The following YTHDC2 variants were observed in gnomAD, a reference collection of about 807,000 sequenced individuals.
The protein encoded by YTHDC2 is YTH N6-methyladenosine RNA binding protein C2, also known as 3'-5' RNA helicase YTHDC2.
Under a neutral mutation model 174.9 loss-of-function variants are expected in YTHDC2, and 45 were observed. That is an observed-to-expected ratio of 0.26 (90% CI 0.20 to 0.33). The LOEUF (loss-of-function observed/expected upper bound fraction) is 0.33, where lower values mean the gene tolerates loss of function less well. YTHDC2 is among the 10% of genes least tolerant of loss of function. The probability of loss-of-function intolerance (pLI) is 1.00; values close to 1 mark genes in which losing one functional copy is unlikely to be tolerated. For synonymous variants in YTHDC2, 657 were observed against 574.5 expected (o/e 1.14, Z -2.05); for missense variants, 1,650 against 1,723.7 (o/e 0.96, Z 0.76).
chr5:113,522,322 C>G (rs940222578), intron 2 of YTHDC2, among the ~76,000 whole-genome samples: 1 of 151,868 alleles, frequency 6.6e-6, no homozygotes, highest in African/African-American at 2.4e-5. Flanking sequence ...TAGTAACATC[C>G]TTTTAAATTA....
At chr5:113,589,849 A>G (rs975982253) in intron 26 of YTHDC2, among the ~76,000 whole-genome samples, 1 of 152,088 alleles carries the variant, frequency 6.6e-6, no homozygotes, top group Non-Finnish European at 1.5e-5. Context: ...TTGTCTCCTA[A>G]TTACATCAAC....
Position 113,581,410 on chromosome 5 carries a change from A to G in YTHDC2, c.3355-7A>G, listed in dbSNP as rs1473738349. ...TCATTTGCTTGTATCTATTTGAACTATTACAGGCAGCTAGTTTATTGCTGC... is the reference window on the plus strand; with the variant it reads ...TCATTTGCTTGTATCTATTTGAACTGTTACAGGCAGCTAGTTTATTGCTGC... On this transcript the variant is annotated splice_polypyrimidine_tract_variant and splice_region_variant and intron_variant, in intron 24 of 29. Transcript: ENST00000161863. 18 of 1,592,254 alleles carry G rather than the reference A, an allele frequency of 1.1e-5. No homozygotes were observed. Among genetic ancestry groups the G allele is most frequent in the East Asian group, 2.2e-5 (1 of 44,704 alleles).
chr5:113,575,153 G>A (rs13187776), intron 23 of YTHDC2, among the ~76,000 whole-genome samples: 12,254 of 152,174 alleles, frequency 0.081, 715 homozygotes, highest in Non-Finnish European at 0.11. Context: ...TGTGAGTGCC[G>A]CAGACTGCAG....
intron 3 of YTHDC2, 106 bp downstream of exon 3, chr5:113,525,283 A>T: frequency 1.0e-6 from 1 of 954,940 alleles, no homozygotes; most frequent in Non-Finnish European, 1.5e-6. Context: ...AGATTTCTCA[A>T]TTGGAATAGT....
At chr5:113,574,946 A>G (rs1202076969) in intron 23 of YTHDC2, among the ~76,000 whole-genome samples, 1 of 152,174 alleles carries the variant, frequency 6.6e-6, no homozygotes, top group Non-Finnish European at 1.5e-5. Context: ...GAGGGGTCAT[A>G]TAATCACTCA....
intron 22 of YTHDC2, among the ~76,000 whole-genome samples, 175 bp downstream of exon 22, chr5:113,567,472 G>A (rs33992630): frequency 0.16 from 24,329 of 148,324 alleles, 2,174 homozygotes; most frequent in Non-Finnish European, 0.21. Context: ...AGTTGGAAAA[G>A]GTAACATGTT....
intron 23 of YTHDC2, among the ~76,000 whole-genome samples, chr5:113,568,398 GC>G (rs1171446137): frequency 6.6e-6 from 1 of 152,086 alleles, no homozygotes; most frequent in African/African-American, 2.4e-5. Context: ...GGGTACATGT[GC>G]AAGATGTGCA....
intron 8 of YTHDC2, among the ~76,000 whole-genome samples, chr5:113,540,330 CTT>C (rs796688604): frequency 4.6e-4 from 70 of 152,278 alleles, no homozygotes; most frequent in African/African-American, 1.6e-3. Context: ...TAAAAATACT[CTT>C]AATTCTGGAC....
At chr5:113,534,222 C>T (rs1774891696) in intron 5 of YTHDC2, 83 bp from the exon 6 acceptor site, 10 of 1,010,370 alleles carry the variant, frequency 9.9e-6, no homozygotes, top group East Asian at 4.8e-5. Context: ...AAAATGTGTA[C>T]GAGGCCAGCA....
At position 113,592,153 on chromosome 5, in the gene YTHDC2, A is replaced by G; in HGVS notation, c.4187A>G (p.Lys1396Arg). The G allele has an allele frequency of 6.2e-7, 1 of 1,612,318 alleles. No homozygotes were observed. Among genetic ancestry groups the G allele is most frequent in the Non-Finnish European group, 8.5e-7 (1 of 1,179,134 alleles). ...CTCAATCCATGGAATGACAACAAGA[A>G]AGTGCAGATAAGCAGGGATGGGCAG... is the stretch of plus-strand genomic sequence containing the variant. ...HLLNPWNDNKKVQISRDGQEL... is the reference protein window; with the variant it reads ...HLLNPWNDNKRVQISRDGQEL... Residue 1396 changes from lysine to arginine, a missense_variant, in exon 28 of 30, where the codon AAA becomes AGA. By Grantham distance (26) the Lys-to-Arg change is conservative (BLOSUM62 2). Transcript: ENST00000161863.
At position 113,547,716 on chromosome 5, in the gene YTHDC2, AAAGAACACTGAT is replaced by A. The variant is rs146390514; in HGVS notation, c.1496-824_1496-813del. On this transcript the variant is annotated intron_variant, in intron 10 of 29. Transcript: ENST00000161863. ...ATTTTCTTGTCTCTGCCTCACTTTA[AAAGAACACTGAT>A]GTATATTGATAATGGATACCATGTT... Among the ~76,000 whole-genome samples the A allele has an allele frequency of 6.4e-3, 969 of 152,318 alleles. 5 individuals are homozygous for A. The highest frequency in any genetic ancestry group is 0.022 in the African/African-American group (902 of 41,570).
rs1193662536 is a variant in YTHDC2, at chr5:113,542,517, A to C, written c.1495+14A>C. ...AAAATGTTAGTGGTAAGTTTATTTTAATTTTAAAAAATTACCCTTACAGTT... is the reference window on the plus strand; with the variant it reads ...AAAATGTTAGTGGTAAGTTTATTTTCATTTTAAAAAATTACCCTTACAGTT... On this transcript the variant is annotated intron_variant, in intron 10 of 29. Coordinates refer to ENST00000161863, the MANE Select transcript of YTHDC2 (RefSeq NM_022828.5). 6.3e-7 allele frequency: 1 copy of C among 1,583,722 alleles called. No individual in the cohort carries two copies. Among genetic ancestry groups the C allele is most frequent in the African/African-American group, 1.4e-5 (1 of 73,366 alleles).
At chr5:113,522,700 T>C (rs185693869) in intron 2 of YTHDC2, among the ~76,000 whole-genome samples, 72 of 152,304 alleles carry the variant, frequency 4.7e-4, no homozygotes, top group African/African-American at 1.7e-3. Flanking sequence ...TTAGTTTACG[T>C]AGTATGACAA....
chr5:113,565,480 A>G (rs1777272759), intron 20 of YTHDC2, among the ~76,000 whole-genome samples: 3 of 152,322 alleles, frequency 2.0e-5, no homozygotes, highest in African/African-American at 7.2e-5. Context: ...TAGAAATCCT[A>G]CTTTCCATTC....
chr5:113,527,022 G>C (rs999195128), intron 4 of YTHDC2, among the ~76,000 whole-genome samples: 6 of 151,980 alleles, frequency 3.9e-5, no homozygotes, highest in African/African-American at 1.4e-4. Context: ...TTTTAAACTA[G>C]TGCATTAGGC....
At chr5:113,576,206 A>G (rs1421464919) in intron 23 of YTHDC2, among the ~76,000 whole-genome samples, 1 of 152,162 alleles carries the variant, frequency 6.6e-6, no homozygotes, top group Non-Finnish European at 1.5e-5. Flanking sequence ...AATGATATTT[A>G]TAGACATGAG....
chr5:113,544,208 G>A (rs910950297), intron 10 of YTHDC2, among the ~76,000 whole-genome samples: 3 of 152,086 alleles, frequency 2.0e-5, no homozygotes, highest in Non-Finnish European at 2.9e-5. Context: ...GAGTGCAGTG[G>A]TGTGATCTTG....
rs1776644949 is a variant in YTHDC2 at position 113,556,897 on chromosome 5, A to C, written c.2216+763A>C. 2.0e-5 allele frequency among the ~76,000 whole-genome samples: 3 copies of C among 152,338 alleles called. No individual in the cohort carries two copies. The South Asian group carries it at 6.2e-4, about 32-fold the overall frequency. On this transcript the variant is annotated intron_variant, in intron 17 of 29. Transcript: ENST00000161863. Reference sequence around the variant, plus strand: ...TCTGGGAACAGTGTGATGTCCATCAATACTGAAGTGATTAAATAAATTATA... The same window carrying C: ...TCTGGGAACAGTGTGATGTCCATCACTACTGAAGTGATTAAATAAATTATA...
intron 2 of YTHDC2, among the ~76,000 whole-genome samples, chr5:113,522,285 C>T (rs1773927924): frequency 6.6e-6 from 1 of 151,652 alleles, no homozygotes; most frequent in African/African-American, 2.4e-5. Context: ...AATATTGAAG[C>T]ATATGTTTGT....
Sources: allele counts gnomAD v4.1 joint callset (sites outside exome capture counted in the v4.1 genomes callset), GRCh38; gene constraint gnomAD v4.1.1; transcripts MANE v1.5; gene names NCBI Gene and HGNC (gene_info 2026-07-23, HGNC 2026-07-21).